Variants in DMBT1 observed in about 807,000 individuals in gnomAD.
DMBT1 encodes scavenger receptor cysteine-rich domain-containing protein DMBT1.
DMBT1 carries 198 observed loss-of-function variants against 252.9 expected under a neutral mutation model. The observed-to-expected ratio is 0.78, with a 90% CI of 0.70 to 0.88. DMBT1 has a LOEUF of 0.88. Ranked by LOEUF, DMBT1 falls within the 40% of genes least tolerant of loss-of-function variation. The pLI is 0.00. For missense variants in DMBT1, 2,432 were observed against 2,404.7 expected, an observed-to-expected ratio of 1.01 and a Z score of -0.24; for synonymous variants, 990 against 942.7, an observed-to-expected ratio of 1.05 and a Z score of -0.92.
chr10:122,637,945 C>A (rs1268176242), intron 54 of DMBT1, among the ~76,000 whole-genome samples: 1 of 152,160 alleles, frequency 6.6e-6, no homozygotes, highest in African/African-American at 2.4e-5. Flanking sequence ...TCTCTACAGG[C>A]TTGAAGGTGG....
chr10:122,597,124 C>G (rs1454313193), intron 24 of DMBT1, 70 bp downstream of exon 24: 2 of 353,394 alleles, frequency 5.7e-6, no homozygotes, highest in Admixed American at 4.3e-5. Context: ...CTGCACTCCA[C>G]AGAGCCCTCG....
Position 122,630,421 on chromosome 10 carries a change from A to G in DMBT1, c.5956A>G (p.Ile1986Val), listed in dbSNP as rs1338961956. 7.4e-6 allele frequency: 12 copies of G among 1,614,006 alleles called. No homozygotes were observed. In the South Asian group the frequency reaches 9.9e-5, roughly 13 times the overall value. The change falls in exon 48 of 56, where the codon ATT (isoleucine) becomes GTT (valine). Residue 1986 changes from isoleucine (I) to valine (V), a missense_variant. Physicochemically the swap from Ile to Val is conservative, Grantham distance 29. Around this residue, in one of 3 missense-constraint regions of DMBT1, gnomAD observed 1,162 missense variants for 1,169.0 expected, o/e 0.99. Transcript: ENST00000338354. ...TACATCTTCTTACAACCGAATGACCATTCACTTTCGAAGTGACATCAGTTT... is the reference window on the plus strand; with the variant it reads ...TACATCTTCTTACAACCGAATGACCGTTCACTTTCGAAGTGACATCAGTTT... ...IFTSSYNRMT[I>V]HFRSDISFQN...
chr10:122,619,383 C>T (rs372571875), intron 42 of DMBT1, 46 bp downstream of exon 42: 1 of 1,612,324 alleles, frequency 6.2e-7, no homozygotes, highest in African/African-American at 1.3e-5. Flanking sequence ...CTCTTTCTGC[C>T]CAGTTACCTC....
intron 43 of DMBT1, 27 bp downstream of exon 43, chr10:122,620,318 G>C: frequency 6.2e-7 from 1 of 1,613,098 alleles, no homozygotes; most frequent in Non-Finnish European, 8.5e-7. Flanking sequence ...CCCCTCCCTA[G>C]GGCTCACTCT....
chr10:122,629,983 A>C lies in DMBT1; in HGVS notation c.5812A>C (p.Ser1938Arg). Reference sequence around the variant, plus strand: ...TGGTTATCGCATAAACCTGGGCTTCAGTAATCTGAAGTAAGTAATGCCTGG... The same window carrying C: ...TGGTTATCGCATAAACCTGGGCTTCCGTAATCTGAAGTAAGTAATGCCTGG... ...NSGYRINLGF[S>R]NLKLEAHHNC... is the part of the protein sequence containing the mutation. Residue 1938 changes from serine to arginine, a missense_variant, in exon 47 of 56, where the codon AGT becomes CGT. Physicochemically the swap from Ser to Arg is moderately radical, Grantham distance 110 (BLOSUM62 -1). This residue lies in a region of DMBT1 where 1,162 missense variants were observed against 1,169.0 expected (regional missense o/e 0.99). Coordinates refer to ENST00000338354, the MANE Select transcript of DMBT1 (RefSeq NM_001377530.1). 6.2e-7 allele frequency: 1 copy of C among 1,614,032 alleles called. No individual in the cohort carries two copies.
chr10:122,564,630 G>GT, intron 1 of DMBT1, among the ~76,000 whole-genome samples: 1 of 90,040 alleles, frequency 1.1e-5, no homozygotes, highest in African/African-American at 3.6e-5. Context: ...ACCATCACAT[G>GT]TATTTTTTTT....
chr10:122,600,042 C>A (rs939131066), intron 26 of DMBT1, 22 bp from the exon 27 acceptor site: 5 of 1,607,680 alleles, frequency 3.1e-6, no homozygotes, highest in South Asian at 2.2e-5. Flanking sequence ...CCTGATCTGA[C>A]CTTCTCTTCT....
intron 55 of DMBT1, among the ~76,000 whole-genome samples, chr10:122,641,820 G>A (rs1844588432): frequency 6.6e-6 from 1 of 152,090 alleles, no homozygotes; most frequent in Non-Finnish European, 1.5e-5. Context: ...GGAGCACAGG[G>A]ACTTATTGGC....
chr10:122,638,570 T>G (rs1843912435), intron 54 of DMBT1, among the ~76,000 whole-genome samples: 2 of 152,146 alleles, frequency 1.3e-5, no homozygotes, highest in South Asian at 2.1e-4. Context: ...GCCTCCAGAG[T>G]AGCTGGGACT....
intron 1 of DMBT1, among the ~76,000 whole-genome samples, chr10:122,565,581 C>T (rs954932719): frequency 7.2e-6 from 1 of 138,242 alleles, no homozygotes; most frequent in African/African-American, 2.6e-5. Flanking sequence ...ATATTTTCTT[C>T]TTTAGGGGTC....
chr10:122,597,961 G>A lies in DMBT1; in HGVS notation c.2918-13G>A. ...AACTTTAATTCTAGCCTTTGTCTCT[G>A]TTGCAATTACAGACACATTGCCGAC... On this transcript the variant is annotated splice_polypyrimidine_tract_variant and intron_variant, in intron 24 of 55. Transcript: ENST00000338354. The A allele has an allele frequency of 6.2e-7, 1 of 1,613,894 alleles. No homozygotes were observed. The highest frequency in any genetic ancestry group is 8.5e-7 in the Non-Finnish European group (1 of 1,179,826).
intron 44 of DMBT1, among the ~76,000 whole-genome samples, chr10:122,624,636 A>G (rs142207068): frequency 6.6e-6 from 1 of 152,166 alleles, no homozygotes; most frequent in Non-Finnish European, 1.5e-5. Context: ...GTGTATGATG[A>G]CACCAATGAC....
chr10:122,584,704 G>A (rs1033551437), intron 14 of DMBT1, among the ~76,000 whole-genome samples: 6 of 148,942 alleles, frequency 4.0e-5, no homozygotes, highest in Admixed American at 6.7e-5. Context: ...AAGTCTCCTC[G>A]GAAGCCAATG....
At chr10:122,567,333 G>A (rs1341829929) in intron 2 of DMBT1, among the ~76,000 whole-genome samples, 1 of 152,230 alleles carries the variant, frequency 6.6e-6, no homozygotes, top group Non-Finnish European at 1.5e-5. Flanking sequence ...ATAGAAGGTA[G>A]GGTGTTTTGC....
chr10:122,630,983 T>C lies in DMBT1; in HGVS notation c.6048T>C (p.Asn2016=). 2 of 1,603,622 alleles carry C rather than the reference T, an allele frequency of 1.2e-6. No individual in the cohort carries two copies. The highest frequency in any genetic ancestry group is 2.2e-5 in the South Asian group (2 of 90,814). Residue 2016 remains asparagine, a synonymous_variant, in exon 49 of 56, where the codon AAT becomes AAC. Transcript: ENST00000338354. Reference sequence around the variant, plus strand: ...CAGATGCCACCTTGAGGTTGGTCAATTTAAATTCATCCTATGGTCTATGTG... The same window carrying C: ...CAGATGCCACCTTGAGGTTGGTCAACTTAAATTCATCCTATGGTCTATGTG... ...FPSDATLRLV[N]LNSSYGLCAG...
chr10:122,584,226 G>A (rs2097772053), intron 13 of DMBT1, 96 bp from the exon 14 acceptor site: 1 of 302,662 alleles, frequency 3.3e-6, no homozygotes, highest in Non-Finnish European at 5.6e-6. Flanking sequence ...GACCTAGGGT[G>A]GACTGAAGGC....
chr10:122,631,078 AAGCTGAGGTGGTCTGCAGAC>A lies in DMBT1; in HGVS notation c.6148_6167del (p.Glu2050ArgfsTer49). 1 of 1,613,962 alleles carries A rather than the reference AAGCTGAGGTGGTCTGCAGAC, an allele frequency of 6.2e-7. No individual in the cohort carries two copies. The highest frequency in any genetic ancestry group is 8.5e-7 in the Non-Finnish European group (1 of 1,179,888). ...TGTGATGACTCCTGGACCATTCAGG[AAGCTGAGGTGGTCTGCAGAC>A]AGCTAGGGTGTGGACGTGCAGTTTC... On this transcript the variant is annotated frameshift_variant, in exon 49 of 56. Transcript: ENST00000338354. LOFTEE classifies it high-confidence loss of function.
At position 122,643,353 on chromosome 10, in the gene DMBT1, C is replaced by T. The variant is rs1566082972; in HGVS notation, c.7584C>T (p.Pro2528=). Reference sequence around the variant, plus strand: ...AAAAGGTGGACGTCGTCCTGGGTCCCATCCAGCTGCAGACCCCCCCACGCC... The same window carrying T: ...AAAAGGTGGACGTCGTCCTGGGTCCTATCCAGCTGCAGACCCCCCCACGCC... ...YQEKVDVVLG[P]IQLQTPPRRE... The change falls in exon 56 of 56, where the codon CCC becomes CCT. Residue 2528 remains proline (P), a synonymous_variant. Transcript: ENST00000338354. 1 of 1,613,900 alleles carries T rather than the reference C, an allele frequency of 6.2e-7. No homozygotes were observed. The highest frequency in any genetic ancestry group is 1.7e-5 in the Admixed American group (1 of 60,022).
chr10:122,621,332 C>T lies in DMBT1; in HGVS notation c.5560C>T (p.Leu1854Phe). The change falls in exon 44 of 56, where the codon CTC becomes TTC. Residue 1854 changes from leucine to phenylalanine, a missense_variant. Physicochemically the swap from Leu to Phe is conservative, Grantham distance 22 (BLOSUM62 0). Coordinates refer to ENST00000338354, the MANE Select transcript of DMBT1 (RefSeq NM_001377530.1). ...GTGGAGCTGCCCCCACAAAGGCTGGCTCACCCACAACTGTGGCCATCACGA... is the reference window on the plus strand; with the variant it reads ...GTGGAGCTGCCCCCACAAAGGCTGGTTCACCCACAACTGTGGCCATCACGA... ...YLWSCPHKGW[L>F]THNCGHHEDA... 1 of 1,613,842 alleles carries T rather than the reference C, an allele frequency of 6.2e-7. No individual in the cohort carries two copies. The highest frequency in any genetic ancestry group is 8.5e-7 in the Non-Finnish European group (1 of 1,179,756).
Sources: gnomAD v4.1 joint callset for allele counts (sites outside exome capture counted in the v4.1 genomes callset) on GRCh38, gnomAD v4.1.1 for gene constraint, gnomAD v4.1.1 regional missense constraint, MANE v1.5 for transcripts, NCBI Gene and HGNC (gene_info 2026-07-23, HGNC 2026-07-21) for gene names.